Variants in ZPBP observed in about 807,000 individuals in gnomAD.
ZPBP encodes the protein zona pellucida binding protein.
A neutral mutation model predicts 44.8 loss-of-function variants in ZPBP; 26 were observed. The ratio of observed to expected loss-of-function variants is 0.58; its 90% confidence interval spans 0.43 to 0.81. The LOEUF (loss-of-function observed/expected upper bound fraction) is 0.81, where lower values mean the gene tolerates loss of function less well. ZPBP is among the 30% of genes least tolerant of loss of function. The pLI, the probability that ZPBP is intolerant of heterozygous loss-of-function variation, is 0.00. For synonymous variants in ZPBP, 174 were observed against 153.2 expected (o/e 1.14, Z -1.00); for missense variants, 409 against 434.0 (o/e 0.94, Z 0.51).
chr7:50,093,130 A>G lies in ZPBP; in HGVS notation c.65T>C (p.Leu22Pro). 1 of 1,564,804 alleles carries G rather than the reference A, an allele frequency of 6.4e-7. No homozygotes were observed. The highest frequency in any genetic ancestry group is 8.6e-7 in the Non-Finnish European group (1 of 1,156,934). The change falls in exon 1 of 8, where the codon CTG becomes CCG. Residue 22 changes from leucine (L) to proline (P), a missense_variant. Around this residue, in one of 2 missense-constraint regions of ZPBP, gnomAD observed 367 missense variants for 363.1 expected, o/e 1.01. Transcript: ENST00000046087. ...GRRRTRAAGSLLSRAAILLFI... is the reference protein window; with the variant it reads ...GRRRTRAAGSPLSRAAILLFI... The stretch of plus-strand genomic sequence containing the variant: ...GAGGAGGATGGCGGCCCGAGAGAGC[A>G]GGGAGCCGGCGGCCCGGGTCCGCCG...
In ZPBP at chr7:49,996,660, G is replaced by A. The variant is rs567354595; in HGVS notation, c.784-13141C>T. Among the ~76,000 whole-genome samples, 13 of 152,312 alleles carry A rather than the reference G, an allele frequency of 8.5e-5. No homozygotes were observed. The South Asian group carries it at 2.7e-3, about 32-fold the overall frequency. On this transcript the variant is annotated intron_variant, in intron 6 of 7. Transcript: ENST00000046087. Reference sequence around the variant, plus strand: ...GAGTCTGTAAACTGGTTCAAGCCTAGGAACTGATTGAGGTGACTTGATCTT... The same window carrying A: ...GAGTCTGTAAACTGGTTCAAGCCTAAGAACTGATTGAGGTGACTTGATCTT...
intron 4 of ZPBP, among the ~76,000 whole-genome samples, chr7:50,045,588 CG>C (rs1255415033): frequency 6.6e-6 from 1 of 151,920 alleles, no homozygotes; most frequent in Admixed American, 6.6e-5. Flanking sequence ...ACAACTTACA[CG>C]GGATGTGAAG....
intron 5 of ZPBP, among the ~76,000 whole-genome samples, chr7:50,028,386 T>A (rs1285235255): frequency 1.3e-5 from 2 of 151,986 alleles, no homozygotes; most frequent in East Asian, 3.9e-4. Flanking sequence ...TACTCAACAG[T>A]GAAAGACTGA....
chr7:50,022,694 C>T (rs556841229), intron 5 of ZPBP, among the ~76,000 whole-genome samples: 3 of 152,066 alleles, frequency 2.0e-5, no homozygotes, highest in East Asian at 1.9e-4. Flanking sequence ...CAAAAAAATC[C>T]GCAACTTTTC....
intron 4 of ZPBP, among the ~76,000 whole-genome samples, chr7:50,057,788 A>G (rs928646381): frequency 6.6e-6 from 1 of 152,190 alleles, no homozygotes; most frequent in African/African-American, 2.4e-5. Flanking sequence ...TCCCCTGAAG[A>G]AAAAAAGACT....
intron 7 of ZPBP, among the ~76,000 whole-genome samples, chr7:49,939,652 T>C (rs908332095): frequency 3.9e-5 from 6 of 152,068 alleles, no homozygotes; most frequent in Admixed American, 3.3e-4. Context: ...CTAACCATAA[T>C]GTAAAACATT....
At chr7:50,022,377 G>T (rs1213734051) in intron 5 of ZPBP, among the ~76,000 whole-genome samples, 1 of 151,838 alleles carries the variant, frequency 6.6e-6, no homozygotes, top group Non-Finnish European at 1.5e-5. Context: ...AGGGACAATA[G>T]CATAGAGAAG....
At chr7:49,940,783 A>G in intron 7 of ZPBP, 9 of 985,362 alleles carry the variant, frequency 9.1e-6, no homozygotes, top group Non-Finnish European at 9.6e-6. Flanking sequence ...AGAACAGAGC[A>G]GACTAAATTT....
intron 7 of ZPBP, among the ~76,000 whole-genome samples, chr7:49,980,199 TTA>T (rs1197306414): frequency 7.7e-5 from 9 of 117,538 alleles, no homozygotes; most frequent in East Asian, 6.8e-4. Context: ...TTGTATTATG[TTA>T]TATGTTATAT....
chr7:49,845,699 G>T (rs1789925463), downstream of ZPBP, among the ~76,000 whole-genome samples: 1 of 152,124 alleles, frequency 6.6e-6, no homozygotes. Flanking sequence ...CCTAATAAAA[G>T]ACCTTGACAT....
chr7:50,003,238 T>C (rs1377906264), intron 6 of ZPBP, among the ~76,000 whole-genome samples: 1 of 152,198 alleles, frequency 6.6e-6, no homozygotes, highest in African/African-American at 2.4e-5. Context: ...GGAAGTTTCA[T>C]GTCCTTTTTC....
intron 6 of ZPBP, among the ~76,000 whole-genome samples, chr7:49,983,898 A>G (rs1797136180): frequency 6.6e-6 from 1 of 151,896 alleles, no homozygotes; most frequent in African/African-American, 2.4e-5. Flanking sequence ...CTGAGGCACA[A>G]CATCAACTCT....
At chr7:49,860,185 T>A (rs1273271385) in intron 2 of ZPBP, among the ~76,000 whole-genome samples, 2 of 152,338 alleles carry the variant, frequency 1.3e-5, no homozygotes, top group East Asian at 3.9e-4. Context: ...TGTGCAATCA[T>A]CACCACTATT....
chr7:49,962,838 A>T (rs1795910661), intron 7 of ZPBP, among the ~76,000 whole-genome samples: 1 of 151,812 alleles, frequency 6.6e-6, no homozygotes, highest in Non-Finnish European at 1.5e-5. Context: ...CATGAATTGG[A>T]TCTAAGCAAA....
chr7:49,991,460 T>C (rs1258037272), intron 6 of ZPBP, among the ~76,000 whole-genome samples: 4 of 152,144 alleles, frequency 2.6e-5, no homozygotes, highest in African/African-American at 9.7e-5. Flanking sequence ...CTATGAAAGC[T>C]GGAATTCACT....
intron 7 of ZPBP, among the ~76,000 whole-genome samples, chr7:49,941,339 C>T (rs905773544): frequency 6.6e-6 from 1 of 152,042 alleles, no homozygotes; most frequent in Non-Finnish European, 1.5e-5. Flanking sequence ...TATTGCATAT[C>T]CATGCACCCA....
At chr7:49,891,969 T>C (rs1158910599) in intron 2 of ZPBP, among the ~76,000 whole-genome samples, 1 of 147,578 alleles carries the variant, frequency 6.8e-6, no homozygotes, top group East Asian at 2.0e-4. Context: ...AATGAAAAGA[T>C]ACAAATACGG....
rs576498578 is a variant in ZPBP, at chr7:49,971,690, CACAAATCCTTTACAA to C, written c.961+11637_961+11651del. Among the ~76,000 whole-genome samples the C allele has an allele frequency of 1.4e-4, 22 of 152,136 alleles. 2 individuals are homozygous for C. The South Asian group carries it at 4.6e-3, about 32-fold the overall frequency. The stretch of plus-strand genomic sequence containing the variant: ...TTCAAACAAACATTTAAAGAAGTAA[CACAAATCCTTTACAA>C]ACAATCTGAATGTTTGCAGAGGAAG... On this transcript the variant is annotated intron_variant, in intron 7 of 7. Coordinates refer to ENST00000046087, the MANE Select transcript of ZPBP (RefSeq NM_007009.3).
intron 7 of ZPBP, among the ~76,000 whole-genome samples, chr7:49,952,648 G>A (rs7793883): frequency 0.8 from 121,493 of 151,852 alleles, 48,739 homozygotes; most frequent in East Asian, 0.92. Flanking sequence ...AATAAATGCT[G>A]GAAGAGAATG....
Sources: allele counts gnomAD v4.1 joint callset (sites outside exome capture counted in the v4.1 genomes callset), GRCh38; gene constraint gnomAD v4.1.1; regional missense constraint gnomAD v4.1.1; transcripts MANE v1.5; gene names NCBI Gene and HGNC (gene_info 2026-07-23, HGNC 2026-07-21).